Variants in RBFOX1 observed in about 807,000 individuals in gnomAD.
RBFOX1 encodes the protein RNA binding protein fox-1 homolog 1.
In RBFOX1, 8 loss-of-function variants were observed where a neutral mutation model predicts 57.7. That is an observed-to-expected ratio of 0.14 (90% confidence interval 0.08 to 0.25). The LOEUF is 0.25. Ranked by LOEUF, RBFOX1 falls within the 10% of genes least tolerant of loss-of-function variation. The probability of loss-of-function intolerance (pLI) is 1.00; values close to 1 mark genes in which losing one functional copy is unlikely to be tolerated. For synonymous variants in RBFOX1, 326 were observed against 222.4 expected, an observed-to-expected ratio of 1.47 and a Z score of -4.15; for missense variants, 611 against 548.5, an observed-to-expected ratio of 1.11 and a Z score of -1.14.
chr16:6,542,357 G>T (rs936021315), intron 2 of RBFOX1, among the ~76,000 whole-genome samples: 1 of 152,066 alleles, frequency 6.6e-6, no homozygotes, highest in East Asian at 1.9e-4. Flanking sequence ...TCTAAATGCA[G>T]GGGTGAGGCA....
At chr16:6,130,246 A>G (rs2096620291) in intron 1 of RBFOX1, among the ~76,000 whole-genome samples, 2 of 152,170 alleles carry the variant, frequency 1.3e-5, no homozygotes, top group Admixed American at 1.3e-4. Flanking sequence ...ATTTATGACT[A>G]CTGTGCAAAT....
chr16:5,375,234 T>A (rs1051936898), intron 1 of RBFOX1, among the ~76,000 whole-genome samples: 1 of 151,934 alleles, frequency 6.6e-6, no homozygotes, highest in Non-Finnish European at 1.5e-5. Context: ...GAAGATGACA[T>A]GTGATAATTT....
chr16:7,029,300 G>C (rs77819643), intron 3 of RBFOX1, among the ~76,000 whole-genome samples: 2 of 114,572 alleles, frequency 1.7e-5, no homozygotes, highest in Non-Finnish European at 3.4e-5. Flanking sequence ...ATATATATAC[G>C]TATATGTATA....
chr16:5,674,483 A>G (rs563173183), intron 3 of RBFOX1, among the ~76,000 whole-genome samples: 1 of 152,264 alleles, frequency 6.6e-6, no homozygotes, highest in South Asian at 2.1e-4. Flanking sequence ...TCCAGAATCT[A>G]TGGGACTCTT....
At chr16:7,036,817 C>T (rs985287225) in intron 3 of RBFOX1, among the ~76,000 whole-genome samples, 2 of 151,858 alleles carry the variant, frequency 1.3e-5, no homozygotes, top group Admixed American at 1.3e-4. Flanking sequence ...ATAAGAATGG[C>T]TAGTTCATAG....
chr16:6,450,117 C>G (rs1403810329), intron 2 of RBFOX1, among the ~76,000 whole-genome samples: 1 of 152,154 alleles, frequency 6.6e-6, no homozygotes, highest in Non-Finnish European at 1.5e-5. Flanking sequence ...ATGTACATCT[C>G]AGGTCCTCTG....
At chr16:5,909,910 G>A (rs984832481) in intron 4 of RBFOX1, among the ~76,000 whole-genome samples, 9 of 151,958 alleles carry the variant, frequency 5.9e-5, no homozygotes, top group Non-Finnish European at 1.2e-4. Flanking sequence ...AAAATTAGCC[G>A]GGTGTGGTGG....
chr16:6,348,484 G>C (rs1255734009), intron 2 of RBFOX1, among the ~76,000 whole-genome samples: 1 of 152,116 alleles, frequency 6.6e-6, no homozygotes, highest in African/African-American at 2.4e-5. Flanking sequence ...TGGTATATCA[G>C]CCTGTTCTTG....
intron 3 of RBFOX1, among the ~76,000 whole-genome samples, chr16:6,849,333 A>G (rs1731725008): frequency 6.6e-6 from 1 of 152,214 alleles, no homozygotes; most frequent in South Asian, 2.1e-4. Flanking sequence ...GAAATAGATT[A>G]TGACAAAAGT....
At chr16:7,692,736 A>G (rs1379132366) in intron 14 of RBFOX1, among the ~76,000 whole-genome samples, 5 of 152,156 alleles carry the variant, frequency 3.3e-5, no homozygotes, top group Admixed American at 3.3e-4. Flanking sequence ...TATTTTCATT[A>G]TTTTTAATAC....
chr16:5,647,577 C>T (rs897902844), intron 3 of RBFOX1, among the ~76,000 whole-genome samples: 3 of 152,158 alleles, frequency 2.0e-5, no homozygotes, highest in Non-Finnish European at 1.5e-5. Flanking sequence ...CACCTCTTCT[C>T]CTTTCCCTTT....
At chr16:6,501,053 T>C (rs903618520) in intron 2 of RBFOX1, among the ~76,000 whole-genome samples, 2 of 151,298 alleles carry the variant, frequency 1.3e-5, no homozygotes, top group South Asian at 4.2e-4. Flanking sequence ...CCCATGGGAG[T>C]CTGCCCCTGG....
intron 4 of RBFOX1, among the ~76,000 whole-genome samples, chr16:7,394,424 TC>T (rs1031476768): frequency 6.6e-6 from 1 of 151,816 alleles, no homozygotes; most frequent in African/African-American, 2.4e-5. Context: ...CTTGCTTACC[TC>T]CCCTAATGGC....
At chr16:5,900,291 C>T (rs1370680740) in intron 4 of RBFOX1, among the ~76,000 whole-genome samples, 1 of 152,102 alleles carries the variant, frequency 6.6e-6, no homozygotes, top group South Asian at 2.1e-4. Flanking sequence ...AGATGCTTAG[C>T]ATATTACTCA....
intron 3 of RBFOX1, among the ~76,000 whole-genome samples, chr16:6,829,384 G>A (rs2092509149): frequency 6.6e-6 from 1 of 150,642 alleles, no homozygotes; most frequent in South Asian, 2.1e-4. Context: ...TACATACACA[G>A]ACACACATAG....
intron 1 of RBFOX1, among the ~76,000 whole-genome samples, chr16:6,098,903 T>C (rs541005577): frequency 6.6e-6 from 1 of 152,104 alleles, no homozygotes; most frequent in African/African-American, 2.4e-5. Context: ...GTGGCTTGGG[T>C]TGAGGGATGT....
At chr16:6,973,684 T>A (rs1264567379) in intron 3 of RBFOX1, among the ~76,000 whole-genome samples, 1 of 152,200 alleles carries the variant, frequency 6.6e-6, no homozygotes, top group Non-Finnish European at 1.5e-5. Context: ...TTGGGATTTT[T>A]CGAGTAAAGT....
At chr16:6,827,316 T>G (rs2092279164) in intron 3 of RBFOX1, among the ~76,000 whole-genome samples, 1 of 152,150 alleles carries the variant, frequency 6.6e-6, no homozygotes, top group Admixed American at 6.5e-5. Flanking sequence ...AGAAAGTGGT[T>G]ACAGATAAAG....
At chr16:6,998,798 C>T (rs532329011) in intron 3 of RBFOX1, among the ~76,000 whole-genome samples, 6 of 152,012 alleles carry the variant, frequency 3.9e-5, no homozygotes, top group Non-Finnish European at 8.8e-5. Context: ...TCTAAAATTC[C>T]TTCTGAGTAC....
Sources: gnomAD v4.1 joint callset for allele counts (sites outside exome capture counted in the v4.1 genomes callset) on GRCh38, gnomAD v4.1.1 for gene constraint, MANE v1.5 for transcripts, NCBI Gene and HGNC (gene_info 2026-07-23, HGNC 2026-07-21) for gene names.